Variants in PAAF1 observed in about 807,000 individuals in gnomAD.
PAAF1 encodes proteasomal ATPase-associated factor 1.
In PAAF1, 46 loss-of-function variants were observed where a neutral mutation model predicts 52.8. That is an observed-to-expected ratio of 0.87 (90% CI 0.69 to 1.11). PAAF1 has a LOEUF of 1.11. PAAF1 is among the 50% of genes most tolerant of loss of function. The pLI, the probability that PAAF1 is intolerant of heterozygous loss-of-function variation, is 0.00. For missense variants in PAAF1, 424 were observed against 477.4 expected (o/e 0.89, Z 1.04); for synonymous variants, 178 against 172.8 (o/e 1.03, Z -0.24).
At chr11:73,878,956 T>C in intron 2 of PAAF1, 137 bp downstream of exon 2, 1 of 628,918 alleles carries the variant, frequency 1.6e-6, no homozygotes, top group East Asian at 2.9e-5. Context: ...CTGTACTGTA[T>C]GGCCAACACC....
intron 7 of PAAF1, among the ~76,000 whole-genome samples, chr11:73,911,689 T>C (rs985617150): frequency 6.7e-6 from 1 of 148,452 alleles, no homozygotes; most frequent in Admixed American, 6.9e-5. Flanking sequence ...AGTGGTGCGA[T>C]CTCTTGGCTC....
At chr11:73,888,340 A>G (rs1287504578) in intron 3 of PAAF1, among the ~76,000 whole-genome samples, 1 of 152,350 alleles carries the variant, frequency 6.6e-6, no homozygotes, top group Admixed American at 6.5e-5. Context: ...ACACTGAACA[A>G]TGTAGCCTTA....
At chr11:73,903,849 C>T (rs987098019) in intron 6 of PAAF1, among the ~76,000 whole-genome samples, 2 of 151,482 alleles carry the variant, frequency 1.3e-5, no homozygotes, top group African/African-American at 2.4e-5. Context: ...TTTGGGAGGC[C>T]GAGGTGGGAG....
chr11:73,906,744 G>A (rs934103845), intron 6 of PAAF1, among the ~76,000 whole-genome samples: 1 of 152,156 alleles, frequency 6.6e-6, no homozygotes, highest in Non-Finnish European at 1.5e-5. Flanking sequence ...AGAGACATGT[G>A]GTTAATCACA....
At chr11:73,893,609 C>T (rs2135152016) in intron 4 of PAAF1, among the ~76,000 whole-genome samples, 1 of 151,452 alleles carries the variant, frequency 6.6e-6, no homozygotes, top group East Asian at 1.9e-4. Context: ...TGGTGGCGTG[C>T]ACCTATAATC....
intron 6 of PAAF1, among the ~76,000 whole-genome samples, chr11:73,901,049 T>C (rs1419328848): frequency 1.3e-5 from 1 of 76,382 alleles, no homozygotes; most frequent in Non-Finnish European, 2.8e-5. Context: ...AAAAAAAAAA[T>C]CCTCTCCAGG....
intron 7 of PAAF1, among the ~76,000 whole-genome samples, chr11:73,912,607 A>C (rs903354331): frequency 1.6e-4 from 25 of 152,140 alleles, no homozygotes; most frequent in Non-Finnish European, 4.4e-5. Context: ...TTCTCCTATA[A>C]GCCATTCTTT....
intron 4 of PAAF1, among the ~76,000 whole-genome samples, chr11:73,897,683 T>C (rs1949450015): frequency 6.7e-6 from 1 of 149,638 alleles, no homozygotes; most frequent in Admixed American, 6.6e-5. Context: ...GCAGAGAGGC[T>C]CCTCACTTTC....
chr11:73,913,616 G>A (rs1377293718), intron 7 of PAAF1, among the ~76,000 whole-genome samples: 1 of 151,368 alleles, frequency 6.6e-6, no homozygotes, highest in Admixed American at 6.6e-5. Context: ...TGAGAGTGAG[G>A]ACCTTATCTG....
In PAAF1 at chr11:73,914,457, C is replaced by A. The variant is rs754382858; in HGVS notation, c.772C>A (p.Arg258=). ...GTEAKMLLLA[R]EDKKLQCLGL... is the part of the protein sequence containing the mutation. ...AGAGGCCAAAATGCTGCTCTTGGCC[C>A]GGGAAGATAAGAAACTTCAGTGCTT... Residue 258 remains arginine (R), a synonymous_variant, in exon 8 of 12, where the codon CGG becomes AGG. Transcript: ENST00000310571. 4 of 1,613,824 alleles carry A rather than the reference C, an allele frequency of 2.5e-6. No individual in the cohort carries two copies. The African/African-American group carries it at 5.3e-5, about 22-fold the overall frequency.
At chr11:73,908,694 T>C (rs1297984311) in intron 6 of PAAF1, among the ~76,000 whole-genome samples, 9 of 151,654 alleles carry the variant, frequency 5.9e-5, no homozygotes, top group Admixed American at 1.3e-4. Context: ...CCACTGCACC[T>C]GGCCAAGGCA....
chr11:73,897,761 C>T (rs1949453383), intron 4 of PAAF1, among the ~76,000 whole-genome samples: 1 of 152,150 alleles, frequency 6.6e-6, no homozygotes, highest in Non-Finnish European at 1.5e-5. Flanking sequence ...AGAGATGCTC[C>T]TCACTTCCCA....
Position 73,891,214 on chromosome 11 carries a change from A to T in PAAF1, c.282+13A>T. 6.9e-7 allele frequency: 1 copy of T among 1,455,392 alleles called. No homozygotes were observed. Among genetic ancestry groups the T allele is most frequent in the South Asian group, 1.2e-5 (1 of 84,596 alleles). The allele number at this position is 1,455,392 out of a possible 1,614,324, so 90.2% of individuals were successfully genotyped here. A position where few individuals can be genotyped will look rare whatever the true frequency, so the allele number is the denominator to read the frequency against. ...TCATACAAAGAGTGTAAGTATTTTG[A>T]TAAAATGAAGAGAAAATGTAATAGC... is the stretch of plus-strand genomic sequence containing the variant. On this transcript the variant is annotated intron_variant, in intron 4 of 11. Coordinates refer to ENST00000310571, the MANE Select transcript of PAAF1 (RefSeq NM_025155.3).
rs751442580 is a variant in PAAF1 at position 73,927,322 on chromosome 11, G to A, written c.1139G>A (p.Arg380Gln). 21 of 1,614,000 alleles carry A rather than the reference G, an allele frequency of 1.3e-5. No individual in the cohort carries two copies. The East Asian group carries it at 2.9e-4, about 22-fold the overall frequency. The change falls in exon 12 of 12, where the codon CGA becomes CAA. Residue 380 changes from arginine (R) to glutamine (Q), a missense_variant. By Grantham distance (43) the Arg-to-Gln change is conservative. Transcript: ENST00000310571. ...TWEKQIYTCC[R>Q]DGLVRRYQLS... is the part of the protein sequence containing the mutation. ...GAGAAGCAGATCTACACATGCTGTCGAGACGGTCTTGTACGACGCTACCAG... is the reference window on the plus strand; with the variant it reads ...GAGAAGCAGATCTACACATGCTGTCAAGACGGTCTTGTACGACGCTACCAG...
chr11:73,890,944 C>G (rs1949183164), intron 3 of PAAF1, among the ~76,000 whole-genome samples, 168 bp from the exon 4 acceptor site: 1 of 152,048 alleles, frequency 6.6e-6, no homozygotes, highest in Non-Finnish European at 1.5e-5. Flanking sequence ...AAAAGGACTG[C>G]TGATCTATGG....
chr11:73,914,115 AG>A (rs1347761007), intron 7 of PAAF1, among the ~76,000 whole-genome samples: 2 of 152,194 alleles, frequency 1.3e-5, no homozygotes, highest in Non-Finnish European at 2.9e-5. Flanking sequence ...GGATTTACTG[AG>A]GTATCTTTTA....
intron 6 of PAAF1, among the ~76,000 whole-genome samples, chr11:73,908,287 A>ATATG (rs1565143531): frequency 3.8e-5 from 5 of 129,998 alleles, no homozygotes; most frequent in African/African-American, 1.4e-4. Flanking sequence ...GTATATATGT[A>ATATG]TATATATGTG....
At chr11:73,878,629 A>T (rs1446139809) in intron 1 of PAAF1, 150 bp from the exon 2 acceptor site, 1 of 545,934 alleles carries the variant, frequency 1.8e-6, no homozygotes, top group Non-Finnish European at 3.3e-6. Flanking sequence ...TCTGTCTTAG[A>T]ATGATCTATA....
At chr11:73,919,382 A>G (rs1411951705) in intron 10 of PAAF1, among the ~76,000 whole-genome samples, 1 of 152,224 alleles carries the variant, frequency 6.6e-6, no homozygotes, top group East Asian at 1.9e-4. Context: ...TGCATGAGGA[A>G]ATGAAGAATA....
Sources: gnomAD v4.1 joint callset for allele counts (sites outside exome capture counted in the v4.1 genomes callset) on GRCh38, gnomAD v4.1.1 for gene constraint, MANE v1.5 for transcripts, NCBI Gene and HGNC (gene_info 2026-07-23, HGNC 2026-07-21) for gene names.